Variants in SEMA3E observed in about 807,000 individuals in gnomAD.
SEMA3E encodes semaphorin 3E.
Under a neutral mutation model 93.6 loss-of-function variants are expected in SEMA3E, and 49 were observed. The observed-to-expected ratio is 0.52, with a 90% CI of 0.42 to 0.66. The LOEUF (loss-of-function observed/expected upper bound fraction) is 0.66. Among genes scored for constraint, SEMA3E ranks in the 30% least tolerant of loss-of-function variants. The probability of loss-of-function intolerance (pLI) is 0.00; values close to 1 mark genes in which losing one functional copy is unlikely to be tolerated. For missense variants in SEMA3E, 906 were observed against 964.8 expected, an observed-to-expected ratio of 0.94 and a Z score of 0.81; for synonymous variants, 363 against 330.7, an observed-to-expected ratio of 1.10 and a Z score of -1.06.
chr7:83,433,899 T>C (rs1362396241), intron 4 of SEMA3E, among the ~76,000 whole-genome samples: 1 of 152,068 alleles, frequency 6.6e-6, no homozygotes, highest in Non-Finnish European at 1.5e-5. Flanking sequence ...TATACGATGA[T>C]CCCAATCAAA....
chr7:83,499,350 G>A (rs899431169), intron 1 of SEMA3E, among the ~76,000 whole-genome samples: 3 of 152,134 alleles, frequency 2.0e-5, no homozygotes, highest in Non-Finnish European at 2.9e-5. Context: ...CTATATGCAA[G>A]AGTGCCTGTA....
chr7:83,533,380 G>GA (rs1277450823), intron 1 of SEMA3E, among the ~76,000 whole-genome samples: 1 of 151,600 alleles, frequency 6.6e-6, no homozygotes, highest in Non-Finnish European at 1.5e-5. Context: ...CATCTCTACC[G>GA]AAAAAATACA....
Position 83,407,236 on chromosome 7 carries a change from G to C in SEMA3E, c.674C>G (p.Pro225Arg). The C allele has an allele frequency of 6.2e-7, 1 of 1,612,226 alleles. No individual in the cohort carries two copies. The highest frequency in any genetic ancestry group is 8.5e-7 in the Non-Finnish European group (1 of 1,179,372). Residue 225 changes from proline (P) to arginine (R), a missense_variant, in exon 7 of 17, where the codon CCA (proline) becomes CGA (arginine). Transcript: ENST00000643230. ...EHDDERLLKE[P>R]KFVGSYMIPD... ...AATCATGTATGAACCTACAAATTTTGGTTCTATAGGAGCAAAAAATAGGAG... is the reference window on the plus strand; with the variant it reads ...AATCATGTATGAACCTACAAATTTTCGTTCTATAGGAGCAAAAAATAGGAG...
At chr7:83,562,979 C>T (rs1410238231) in intron 1 of SEMA3E, among the ~76,000 whole-genome samples, 7 of 152,090 alleles carry the variant, frequency 4.6e-5, no homozygotes, top group Admixed American at 1.3e-4. Flanking sequence ...TTTCTACTAC[C>T]GACTCCCTTG....
At chr7:83,576,682 G>C (rs1792407222) in intron 1 of SEMA3E, among the ~76,000 whole-genome samples, 1 of 152,130 alleles carries the variant, frequency 6.6e-6, no homozygotes, top group Admixed American at 6.6e-5. Flanking sequence ...CTGGAGTGCA[G>C]TGGTGCAGTC....
chr7:83,402,505 C>T, intron 10 of SEMA3E, 127 bp downstream of exon 10: 1 of 798,706 alleles, frequency 1.3e-6, no homozygotes. Flanking sequence ...ATATACTTTT[C>T]ACCAAGCATA....
rs1465930355 is a variant in SEMA3E, at chr7:83,518,599, A to G, written c.116-28325T>C. Reference sequence around the variant, plus strand: ...ATAAAGATGATAGTATTTGCCTGATAGGATTTTTGTGAGGATTAAATTAAA... The same window carrying G: ...ATAAAGATGATAGTATTTGCCTGATGGGATTTTTGTGAGGATTAAATTAAA... On this transcript the variant is annotated intron_variant, in intron 1 of 16. Transcript: ENST00000643230. 2.6e-5 allele frequency among the ~76,000 whole-genome samples: 4 copies of G among 152,188 alleles called. No homozygotes were observed. The South Asian group carries it at 8.3e-4, about 31-fold the overall frequency.
intron 1 of SEMA3E, among the ~76,000 whole-genome samples, chr7:83,640,631 A>G (rs1793988420): frequency 6.6e-6 from 1 of 152,344 alleles, no homozygotes; most frequent in Middle Eastern, 3.4e-3. Flanking sequence ...AAAAAATTCA[A>G]AGGTTATGTT....
At chr7:83,500,886 C>T (rs1490986742) in intron 1 of SEMA3E, among the ~76,000 whole-genome samples, 3 of 152,066 alleles carry the variant, frequency 2.0e-5, no homozygotes, top group Admixed American at 1.3e-4. Flanking sequence ...CCACCATGCC[C>T]GGCCTCTTCC....
At chr7:83,597,992 G>A (rs975039794) in intron 1 of SEMA3E, among the ~76,000 whole-genome samples, 11 of 152,128 alleles carry the variant, frequency 7.2e-5, no homozygotes, top group Non-Finnish European at 1.5e-4. Context: ...TGCATTTCTG[G>A]AAGTTAAAAG....
chr7:83,533,080 AC>A (rs35249268), intron 1 of SEMA3E, among the ~76,000 whole-genome samples: 80,156 of 151,902 alleles, frequency 0.53, 23,496 homozygotes, highest in Middle Eastern at 0.69. Flanking sequence ...TCACTCTGTA[AC>A]CCTTCTTCTG....
At position 83,442,197 on chromosome 7, in the gene SEMA3E, A is replaced by G. The variant is rs190815258; in HGVS notation, c.457-23714T>C. 1.6e-3 allele frequency among the ~76,000 whole-genome samples: 239 copies of G among 152,306 alleles called. 1 individual carries two copies. Among genetic ancestry groups the G allele is most frequent in the African/African-American group, 4.3e-3 (179 of 41,550 alleles). ...ATATCTTATTCCAAAAATTCACATT[A>G]TATTTGAGTTTTACTTAGAAGTCAA... On this transcript the variant is annotated intron_variant, in intron 4 of 16. Transcript: ENST00000643230.
In SEMA3E at chr7:83,367,485, A is replaced by T. The variant is rs1426634428; in HGVS notation, c.*101T>A. 2.2e-5 allele frequency: 26 copies of T among 1,187,022 alleles called. No homozygotes were observed. Among genetic ancestry groups the T allele is most frequent in the Non-Finnish European group, 3.3e-5 (26 of 793,852 alleles). 73.5% of individuals were successfully genotyped at this position (1,187,022 alleles called of 1,614,324 possible). A position where few individuals can be genotyped will look rare whatever the true frequency, so the allele number is the denominator to read the frequency against. ...TTCATAGTCATTCCTGTATTACAGA[A>T]ATCTCTTTTAAGTAATGCAAAGAAG... On this transcript the variant is annotated 3_prime_UTR_variant, in exon 17 of 17. Coordinates refer to ENST00000643230, the MANE Select transcript of SEMA3E (RefSeq NM_012431.3).
At chr7:83,609,265 A>G (rs762949911) in intron 1 of SEMA3E, among the ~76,000 whole-genome samples, 5 of 152,030 alleles carry the variant, frequency 3.3e-5, no homozygotes, top group Admixed American at 1.3e-4. Flanking sequence ...GAAAAACTCT[A>G]CTTAACAACA....
At chr7:83,497,662 A>G (rs896601092) in intron 1 of SEMA3E, among the ~76,000 whole-genome samples, 8 of 152,226 alleles carry the variant, frequency 5.3e-5, no homozygotes, top group Admixed American at 4.6e-4. Flanking sequence ...TAAAGAAATA[A>G]GCAATTAACT....
At chr7:83,626,034 C>CCTTG (rs1272867217) in intron 1 of SEMA3E, among the ~76,000 whole-genome samples, 1 of 152,080 alleles carries the variant, frequency 6.6e-6, no homozygotes, top group African/African-American at 2.4e-5. Flanking sequence ...GTTGAACCAG[C>CCTTG]CTTGCATCCC....
At chr7:83,420,050 T>A (rs766851317) in intron 4 of SEMA3E, among the ~76,000 whole-genome samples, 25 of 152,202 alleles carry the variant, frequency 1.6e-4, no homozygotes, top group Admixed American at 6.5e-5. Flanking sequence ...TTCTAAAGAC[T>A]GCTGAAAGTC....
chr7:83,489,606 TTC>T (rs560404450), intron 2 of SEMA3E, among the ~76,000 whole-genome samples: 160 of 152,276 alleles, frequency 1.1e-3, no homozygotes, highest in African/African-American at 3.7e-3. Flanking sequence ...CAGATTATTT[TTC>T]TCTTTTCCAA....
At chr7:83,438,875 T>C (rs2859686) in intron 4 of SEMA3E, among the ~76,000 whole-genome samples, 99,659 of 152,006 alleles carry the variant, frequency 0.66, 35,070 homozygotes, top group East Asian at 1. Flanking sequence ...TTTAGACGTT[T>C]AGACATGGCA....
Sources: allele counts gnomAD v4.1 joint callset (sites outside exome capture counted in the v4.1 genomes callset), GRCh38; gene constraint gnomAD v4.1.1; transcripts MANE v1.5; gene names NCBI Gene and HGNC (gene_info 2026-07-23, HGNC 2026-07-21).